The following GPC5 variants were observed in gnomAD, a reference collection of about 807,000 sequenced individuals.
The protein encoded by GPC5 is glypican 5, also known as glypican-5.
A neutral mutation model predicts 53.9 loss-of-function variants in GPC5; 47 were observed. The ratio of observed to expected loss-of-function variants is 0.87; its 90% confidence interval spans 0.69 to 1.11. The LOEUF is 1.11. Among genes scored for constraint, GPC5 ranks in the 50% most tolerant of loss-of-function variants. The pLI is 0.00. For synonymous variants in GPC5, 286 were observed against 263.3 expected, an observed-to-expected ratio of 1.09 and a Z score of -0.84; for missense variants, 748 against 713.1, an observed-to-expected ratio of 1.05 and a Z score of -0.56.
chr13:92,358,547 G>T (rs1325487423), intron 7 of GPC5, among the ~76,000 whole-genome samples: 2 of 151,632 alleles, frequency 1.3e-5, no homozygotes, highest in African/African-American at 4.9e-5. Flanking sequence ...CTCTATGAGG[G>T]CCCTGCCCCT....
rs987701280 is a variant in GPC5 at position 92,382,168 on chromosome 13, A to C, written c.1561+237179A>C. ...ACTGATACGTGGAAGCTAAGCTATGAGGACGCAAAGGCATAAGAATGATAC... is the reference window on the plus strand; with the variant it reads ...ACTGATACGTGGAAGCTAAGCTATGCGGACGCAAAGGCATAAGAATGATAC... On this transcript the variant is annotated intron_variant, in intron 7 of 7. Coordinates refer to ENST00000377067, the MANE Select transcript of GPC5 (RefSeq NM_004466.6). Among the ~76,000 whole-genome samples the C allele has an allele frequency of 7.9e-5, 12 of 151,854 alleles. No individual in the cohort carries two copies. In the South Asian group the frequency reaches 8.3e-4, roughly 10 times the overall value.
rs35289946 is a variant in GPC5, at chr13:91,648,358, G to GTT, written c.326-44820_326-44819dup. 8.6e-4 allele frequency among the ~76,000 whole-genome samples: 128 copies of GTT among 148,768 alleles called. 1 individual carries two copies. The highest frequency in any genetic ancestry group is 3.0e-3 in the African/African-American group (120 of 40,558). ...ACTGTTTTTAATTGTATTAAGACAG[G>GTT]TTTTTTTTTTCCTGGAGTGGAGAAG... On this transcript the variant is annotated intron_variant, in intron 2 of 7. Transcript: ENST00000377067.
At chr13:91,810,688 T>C (rs1988500) in intron 5 of GPC5, among the ~76,000 whole-genome samples, 78,135 of 151,666 alleles carry the variant, frequency 0.52, 20,763 homozygotes, top group East Asian at 0.73. Context: ...AGTAGACGGA[T>C]GATTGAACCA....
chr13:91,399,222 G>A lies in GPC5; in HGVS notation c.163+13G>A. On this transcript the variant is annotated intron_variant, in intron 1 of 7. Transcript: ENST00000377067. ...TCGCCGCGGGCAGGTAAGGGGCAAT[G>A]AGGGGGTCTCTGGACTGGCGGCGTC... 1.9e-6 allele frequency: 3 copies of A among 1,609,986 alleles called. No individual in the cohort carries two copies. Among genetic ancestry groups the A allele is most frequent in the Non-Finnish European group, 2.5e-6 (3 of 1,178,844 alleles).
intron 1 of GPC5, among the ~76,000 whole-genome samples, chr13:91,407,545 G>A (rs1877415683): frequency 6.6e-6 from 1 of 152,314 alleles, no homozygotes; most frequent in East Asian, 1.9e-4. Context: ...CTCTGGAATG[G>A]TTGGCTTGTG....
intron 6 of GPC5, among the ~76,000 whole-genome samples, chr13:92,068,219 A>G (rs1012299128): frequency 6.6e-6 from 1 of 151,930 alleles, no homozygotes; most frequent in African/African-American, 2.4e-5. Flanking sequence ...GAATTGTTCA[A>G]GTTTGGAAAA....
intron 7 of GPC5, among the ~76,000 whole-genome samples, chr13:92,433,719 G>A (rs1413655261): frequency 3.3e-5 from 5 of 152,148 alleles, no homozygotes; most frequent in Admixed American, 1.3e-4. Flanking sequence ...TTGACTAAGA[G>A]GTGAGTAGGT....
intron 7 of GPC5, among the ~76,000 whole-genome samples, chr13:92,330,889 T>C (rs990191519): frequency 1.4e-4 from 22 of 152,294 alleles, no homozygotes; most frequent in African/African-American, 5.1e-4. Context: ...TTCCTCTTCT[T>C]CTGCTTTCAG....
Position 91,999,072 on chromosome 13 carries a change from A to G in GPC5, c.1401+91015A>G, listed in dbSNP as rs143373802. Among the ~76,000 whole-genome samples the G allele has an allele frequency of 8.9e-4, 136 of 151,968 alleles. 1 individual carries two copies. The highest frequency in any genetic ancestry group is 3.1e-3 in the African/African-American group (128 of 41,456). Reference sequence around the variant, plus strand: ...TTTAAATCCTTTCTCTTTAACCTGAACTTTACAGTCTGTATCTCTGGCTAT... The same window carrying G: ...TTTAAATCCTTTCTCTTTAACCTGAGCTTTACAGTCTGTATCTCTGGCTAT... On this transcript the variant is annotated intron_variant, in intron 6 of 7. Coordinates refer to ENST00000377067, the MANE Select transcript of GPC5 (RefSeq NM_004466.6).
chr13:92,358,515 G>T (rs1171637692), intron 7 of GPC5, among the ~76,000 whole-genome samples: 1 of 151,674 alleles, frequency 6.6e-6, no homozygotes, highest in Non-Finnish European at 1.5e-5. Context: ...CATTTCCCCT[G>T]TGCACTACCC....
At chr13:91,425,060 G>T (rs1408250) in intron 1 of GPC5, among the ~76,000 whole-genome samples, 96,808 of 151,984 alleles carry the variant, frequency 0.64, 31,390 homozygotes, top group African/African-American at 0.74. Context: ...ACTGTTAATT[G>T]TTAAATGAAC....
At chr13:91,714,313 A>G (rs534379394) in intron 3 of GPC5, among the ~76,000 whole-genome samples, 33 of 152,308 alleles carry the variant, frequency 2.2e-4, no homozygotes, top group African/African-American at 7.7e-4. Flanking sequence ...TCAGATCACA[A>G]TACTGGAAAG....
intron 7 of GPC5, among the ~76,000 whole-genome samples, chr13:92,463,430 G>A (rs951633391): frequency 1.9e-4 from 29 of 152,250 alleles, no homozygotes; most frequent in African/African-American, 7.0e-4. Context: ...AAAGGCTAGC[G>A]TTTGCCAGAT....
At chr13:91,584,445 G>T (rs1182069144) in intron 2 of GPC5, among the ~76,000 whole-genome samples, 1 of 152,136 alleles carries the variant, frequency 6.6e-6, no homozygotes, top group Non-Finnish European at 1.5e-5. Context: ...TCAATTCTAT[G>T]TGAATGTTGA....
chr13:91,555,317 A>G (rs2030881597), intron 2 of GPC5, among the ~76,000 whole-genome samples: 1 of 152,126 alleles, frequency 6.6e-6, no homozygotes, highest in Non-Finnish European at 1.5e-5. Flanking sequence ...AGCAAAGTCA[A>G]GAACCAATGC....
At chr13:92,651,933 C>A (rs1230724023) in intron 7 of GPC5, among the ~76,000 whole-genome samples, 1 of 151,262 alleles carries the variant, frequency 6.6e-6, no homozygotes, top group Admixed American at 6.7e-5. Flanking sequence ...GGAAGAACGT[C>A]AAGGATACAT....
At chr13:92,493,262 ATTAAT>A (rs1445099735) in intron 7 of GPC5, among the ~76,000 whole-genome samples, 11 of 152,016 alleles carry the variant, frequency 7.2e-5, no homozygotes, top group African/African-American at 2.4e-4. Context: ...AATATTGTAC[ATTAAT>A]TTATATACAT....
At chr13:91,690,849 A>C (rs1012943059) in intron 2 of GPC5, among the ~76,000 whole-genome samples, 1 of 152,208 alleles carries the variant, frequency 6.6e-6, no homozygotes, top group Non-Finnish European at 1.5e-5. Flanking sequence ...ATATCTTAGA[A>C]ACCTGGGTGG....
chr13:92,698,882 A>G (rs1847303486), intron 7 of GPC5, among the ~76,000 whole-genome samples: 1 of 152,102 alleles, frequency 6.6e-6, no homozygotes, highest in Admixed American at 6.6e-5. Context: ...ATAGTATCTC[A>G]TTGTGGTTTT....
Sources: allele counts gnomAD v4.1 joint callset (sites outside exome capture counted in the v4.1 genomes callset), GRCh38; gene constraint gnomAD v4.1.1; transcripts MANE v1.5; gene names NCBI Gene and HGNC (gene_info 2026-07-23, HGNC 2026-07-21).